Variants in LHFPL3 observed in about 807,000 individuals in gnomAD.
LHFPL3 encodes the protein LHFPL tetraspan subfamily member 3.
In LHFPL3, 5 loss-of-function variants were observed where a neutral mutation model predicts 19.3. The observed-to-expected ratio is 0.26, with a 90% CI of 0.14 to 0.54. The LOEUF (loss-of-function observed/expected upper bound fraction) is 0.54, where lower values mean the gene tolerates loss of function less well. LHFPL3 is among the 20% of genes least tolerant of loss of function. The pLI is 0.94. For synonymous variants in LHFPL3, 133 were observed against 126.2 expected (o/e 1.05, Z -0.36); for missense variants, 249 against 307.4 (o/e 0.81, Z 1.42).
intron 1 of LHFPL3, among the ~76,000 whole-genome samples, chr7:104,539,302 G>A (rs1462109957): frequency 6.6e-6 from 1 of 152,162 alleles, no homozygotes; most frequent in East Asian, 1.9e-4. Context: ...ACTAAATTCA[G>A]CAAATATTTA....
intron 1 of LHFPL3, among the ~76,000 whole-genome samples, chr7:104,419,476 G>A (rs1791685619): frequency 6.6e-6 from 1 of 152,150 alleles, no homozygotes; most frequent in Non-Finnish European, 1.5e-5. Context: ...ATGACCCATG[G>A]AATATAGGGA....
At chr7:104,739,849 T>G (rs1793899743) in intron 2 of LHFPL3, among the ~76,000 whole-genome samples, 1 of 152,248 alleles carries the variant, frequency 6.6e-6, no homozygotes, top group African/African-American at 2.4e-5. Flanking sequence ...TGATAGAGAT[T>G]ACACATCTGA....
Position 104,590,274 on chromosome 7 carries a change from A to G in LHFPL3, c.446-146401A>G, listed in dbSNP as rs181797142. Among the ~76,000 whole-genome samples the G allele has an allele frequency of 2.1e-3, 317 of 151,710 alleles. 2 individuals are homozygous for G. Among genetic ancestry groups the G allele is most frequent in the African/African-American group, 7.2e-3 (297 of 41,372 alleles). ...TAGTGCTATACGTTTCCCTCTGCAC[A>G]CTGCTTTAAATGTGTCCCAGATATT... On this transcript the variant is annotated intron_variant, in intron 1 of 2. Coordinates refer to ENST00000424859, the MANE Select transcript of LHFPL3 (RefSeq NM_199000.3).
chr7:104,840,505 T>TAG (rs1791182133), intron 2 of LHFPL3, among the ~76,000 whole-genome samples: 1 of 86,800 alleles, frequency 1.2e-5, no homozygotes, highest in Non-Finnish European at 2.1e-5. Flanking sequence ...TTTTTTTTTG[T>TAG]AGAGACCAGG....
intron 1 of LHFPL3, among the ~76,000 whole-genome samples, chr7:104,575,084 A>AATAAAT (rs1228086148): frequency 7.6e-6 from 1 of 131,604 alleles, no homozygotes; most frequent in Non-Finnish European, 1.6e-5. Flanking sequence ...TTGGTTTCTG[A>AATAAAT]GTAAATGGAA....
At chr7:104,736,979 T>C (rs142115109) in intron 2 of LHFPL3, 68 bp downstream of exon 2, 26 of 1,234,656 alleles carry the variant, frequency 2.1e-5, no homozygotes, top group African/African-American at 2.1e-4. Context: ...CTCCATTCTT[T>C]CCCCTCAAAT....
intron 1 of LHFPL3, among the ~76,000 whole-genome samples, chr7:104,596,144 A>T (rs185374913): frequency 3.9e-5 from 6 of 152,334 alleles, no homozygotes; most frequent in African/African-American, 1.2e-4. Context: ...TTCCATGTTG[A>T]TCACACTGGG....
chr7:104,739,469 G>A (rs1793890656), intron 2 of LHFPL3, among the ~76,000 whole-genome samples: 1 of 152,046 alleles, frequency 6.6e-6, no homozygotes, highest in African/African-American at 2.4e-5. Context: ...AAGAGAGGTT[G>A]GTTTTAACTA....
intron 2 of LHFPL3, among the ~76,000 whole-genome samples, chr7:104,795,866 C>T (rs571940637): frequency 6.6e-6 from 1 of 152,312 alleles, no homozygotes; most frequent in South Asian, 2.1e-4. Context: ...GTTACTTTGG[C>T]ATAGCTTCTT....
At chr7:104,829,719 C>T (rs924324561) in intron 2 of LHFPL3, among the ~76,000 whole-genome samples, 10 of 151,946 alleles carry the variant, frequency 6.6e-5, no homozygotes. Flanking sequence ...TTTTCTTAAT[C>T]CAGTCTATCA....
chr7:104,383,432 C>T (rs940929797), intron 1 of LHFPL3, among the ~76,000 whole-genome samples: 6 of 152,292 alleles, frequency 3.9e-5, no homozygotes, highest in South Asian at 2.1e-4. Flanking sequence ...TTCCTGCCAG[C>T]GTACTTCCTT....
In LHFPL3 at chr7:104,399,283, A is replaced by G. The variant is rs956930292; in HGVS notation, c.445+70059A>G. Among the ~76,000 whole-genome samples, 4 of 152,110 alleles carry G rather than the reference A, an allele frequency of 2.6e-5. No homozygotes were observed. Among genetic ancestry groups the G allele is most frequent in the African/African-American group, 4.8e-5 (2 of 41,406 alleles). ...GCTAGAATAAGCATCTAGAATTACAATGAATATGGGTGTTTGGGGCAGTTT... is the reference window on the plus strand; with the variant it reads ...GCTAGAATAAGCATCTAGAATTACAGTGAATATGGGTGTTTGGGGCAGTTT... On this transcript the variant is annotated intron_variant, in intron 1 of 2. Transcript: ENST00000424859. The surrounding 1 kb of genome is among the most constrained non-coding windows in gnomAD (Gnocchi z 4.4).
intron 1 of LHFPL3, among the ~76,000 whole-genome samples, chr7:104,504,899 C>T (rs1793667403): frequency 6.6e-6 from 1 of 152,156 alleles, no homozygotes; most frequent in Admixed American, 6.5e-5. Flanking sequence ...TTTTAGTTGG[C>T]TAATCATCAA....
chr7:104,868,367 C>T (rs1192382179), intron 2 of LHFPL3, among the ~76,000 whole-genome samples: 2 of 152,154 alleles, frequency 1.3e-5, no homozygotes, highest in East Asian at 1.9e-4. Context: ...AGCTGATAGG[C>T]AACTTCAGCA....
chr7:104,468,125 A>T (rs908790817), intron 1 of LHFPL3, among the ~76,000 whole-genome samples: 1 of 152,230 alleles, frequency 6.6e-6, no homozygotes, highest in Non-Finnish European at 1.5e-5. Flanking sequence ...TTCAATATCA[A>T]ACTGCCACTG....
intron 1 of LHFPL3, among the ~76,000 whole-genome samples, chr7:104,691,434 A>G (rs1488846011): frequency 6.6e-6 from 1 of 152,230 alleles, no homozygotes; most frequent in Non-Finnish European, 1.5e-5. Context: ...ATATGCAGGC[A>G]CAACCAGAAA....
intron 1 of LHFPL3, among the ~76,000 whole-genome samples, chr7:104,694,628 A>G (rs974589299): frequency 6.6e-6 from 1 of 152,240 alleles, no homozygotes; most frequent in Admixed American, 6.5e-5. Context: ...ATGGATGTCT[A>G]CCACTACCAC....
chr7:104,617,028 T>C (rs944205051), intron 1 of LHFPL3, among the ~76,000 whole-genome samples: 1 of 152,076 alleles, frequency 6.6e-6, no homozygotes, highest in African/African-American at 2.4e-5. Context: ...TGTGGAGAAA[T>C]AGGAACACTT....
intron 1 of LHFPL3, among the ~76,000 whole-genome samples, chr7:104,421,724 A>T (rs1195920420): frequency 6.6e-6 from 1 of 152,208 alleles, no homozygotes; most frequent in East Asian, 1.9e-4. Context: ...ATATGGAGGA[A>T]GAAGAAATAG....
Sources: gnomAD v4.1 joint callset for allele counts (sites outside exome capture counted in the v4.1 genomes callset) on GRCh38, gnomAD v4.1.1 for gene constraint, Gnocchi (gnomAD v3.1) non-coding constraint, MANE v1.5 for transcripts, NCBI Gene and HGNC (gene_info 2026-07-23, HGNC 2026-07-21) for gene names.